Variants in PHF21A observed in about 807,000 individuals in gnomAD.
PHF21A encodes the protein BHC80a.
A neutral mutation model predicts 82.5 loss-of-function variants in PHF21A; 11 were observed. The observed-to-expected ratio is 0.13, with a 90% CI of 0.08 to 0.22. The LOEUF is 0.22. PHF21A is among the 10% of genes least tolerant of loss of function. The pLI, the probability that PHF21A is intolerant of heterozygous loss-of-function variation, is 1.00. For synonymous variants in PHF21A, 297 were observed against 302.8 expected, an observed-to-expected ratio of 0.98 and a Z score of 0.20; for missense variants, 579 against 837.8, an observed-to-expected ratio of 0.69 and a Z score of 3.81.
At chr11:46,092,845 C>A (rs933649051) in intron 1 of PHF21A, among the ~76,000 whole-genome samples, 4 of 149,800 alleles carry the variant, frequency 2.7e-5, no homozygotes, top group African/African-American at 9.8e-5. Flanking sequence ...GCAGCCTCAA[C>A]CTCCCAGGCT....
chr11:46,009,358 T>C (rs2095365645), intron 6 of PHF21A, among the ~76,000 whole-genome samples: 1 of 152,156 alleles, frequency 6.6e-6, no homozygotes. Context: ...TGTTTAACCA[T>C]CTACCTTTGA....
chr11:46,074,395 T>C (rs1278760071), intron 6 of PHF21A, among the ~76,000 whole-genome samples: 1 of 151,944 alleles, frequency 6.6e-6, no homozygotes. Flanking sequence ...TAATTCAGAT[T>C]TTAGTTATTA....
At chr11:45,948,567 T>A (rs1208447664) in intron 14 of PHF21A, among the ~76,000 whole-genome samples, 2 of 152,370 alleles carry the variant, frequency 1.3e-5, no homozygotes, top group South Asian at 4.1e-4. Context: ...GACTCTCAAA[T>A]GCTTCCTTTT....
At position 45,971,374 on chromosome 11, in the gene PHF21A, G is replaced by A; in HGVS notation, c.361-7C>T. 3.7e-6 allele frequency: 6 copies of A among 1,611,384 alleles called. No individual in the cohort carries two copies. Among genetic ancestry groups the A allele is most frequent in the Non-Finnish European group, 5.1e-6 (6 of 1,178,194 alleles). On this transcript the variant is annotated splice_region_variant and splice_polypyrimidine_tract_variant and intron_variant, in intron 7 of 18. Transcript: ENST00000676320. ...AAGCTGTAGTTACAGTCTTCTAGGA[G>A]ACAGGGAAAACAGATATTAGGACAC...
intron 6 of PHF21A, among the ~76,000 whole-genome samples, chr11:46,019,908 G>T (rs1346999830): frequency 6.6e-6 from 1 of 151,982 alleles, no homozygotes; most frequent in Non-Finnish European, 1.5e-5. Context: ...AACTTTCAGG[G>T]TTCCTAATAA....
intron 6 of PHF21A, among the ~76,000 whole-genome samples, chr11:45,996,869 T>C (rs1315037480): frequency 1.3e-5 from 2 of 152,212 alleles, no homozygotes; most frequent in Admixed American, 6.5e-5. Context: ...AAAAGGTCAA[T>C]AGTTATCCTA....
At chr11:46,098,774 A>AT (rs892157243) in intron 1 of PHF21A, among the ~76,000 whole-genome samples, 30 of 152,320 alleles carry the variant, frequency 2.0e-4, no homozygotes, top group African/African-American at 7.2e-4. Flanking sequence ...GTTTGAGCTT[A>AT]TTTTGGTGTA....
chr11:45,990,250 CTTTT>C (rs201187984), intron 6 of PHF21A, among the ~76,000 whole-genome samples: 6 of 56,278 alleles, frequency 1.1e-4, no homozygotes, highest in Non-Finnish European at 2.9e-4. Flanking sequence ...TTTTCATCTT[CTTTT>C]TTTTTTTTTT....
chr11:46,113,975 T>A (rs7125387), intron 1 of PHF21A, among the ~76,000 whole-genome samples: 137,188 of 152,076 alleles, frequency 0.9, 62,044 homozygotes, highest in East Asian at 1. Flanking sequence ...AATAATTTTT[T>A]TAGTAATACG....
rs371670725 is a variant in PHF21A at position 45,968,415 on chromosome 11, C to T, written c.702+1400G>A. Among the ~76,000 whole-genome samples the T allele has an allele frequency of 4.6e-5, 7 of 152,238 alleles. No homozygotes were observed. In the East Asian group the frequency reaches 1.3e-3, roughly 29 times the overall value. ...TCTAACTAACTCTAGCCTGCATGAG[C>T]CACATGGCCCTCTGTGCTCAGCCAC... On this transcript the variant is annotated intron_variant, in intron 9 of 18. Transcript: ENST00000676320.
chr11:46,027,604 C>T (rs1304463248), intron 6 of PHF21A, among the ~76,000 whole-genome samples: 1 of 152,180 alleles, frequency 6.6e-6, no homozygotes, highest in Non-Finnish European at 1.5e-5. Context: ...AGCCAATCAA[C>T]GAAATGCACT....
intron 6 of PHF21A, among the ~76,000 whole-genome samples, chr11:46,053,755 T>C (rs1451975953): frequency 1.3e-5 from 2 of 152,204 alleles, no homozygotes; most frequent in African/African-American, 4.8e-5. Flanking sequence ...AATTTGTAAC[T>C]CCCTTTGCTG....
chr11:45,969,364 T>C (rs2093633639), intron 9 of PHF21A, among the ~76,000 whole-genome samples: 1 of 152,246 alleles, frequency 6.6e-6, no homozygotes, highest in South Asian at 2.1e-4. Flanking sequence ...GAAGCAAGGC[T>C]TTGCCTTTAA....
chr11:46,092,582 A>G (rs1432677817), intron 1 of PHF21A, among the ~76,000 whole-genome samples: 1 of 152,182 alleles, frequency 6.6e-6, no homozygotes, highest in Non-Finnish European at 1.5e-5. Context: ...GTTGTTTTAC[A>G]TTAACAAATT....
Position 45,979,788 on chromosome 11 carries a change from G to A in PHF21A, c.332C>T (p.Ala111Val). The change falls in exon 7 of 19, where the codon GCA becomes GTA. Residue 111 changes from alanine to valine, a missense_variant. By Grantham distance (64) the Ala-to-Val change is moderately conservative. Transcript: ENST00000676320. ...YHHHHAQQSA[A>V]ASPNLTASQK... ...TGAAGCAGTCAGGTTGGGAGAGGCT[G>A]CAGCTGACTGCTGGGCGTGGTGGTG... 1.9e-5 allele frequency: 31 copies of A among 1,614,060 alleles called. No individual in the cohort carries two copies. The highest frequency in any genetic ancestry group is 2.6e-5 in the Non-Finnish European group (31 of 1,180,034).
chr11:46,048,964 A>G (rs1300061442), intron 6 of PHF21A, among the ~76,000 whole-genome samples: 1 of 152,166 alleles, frequency 6.6e-6, no homozygotes, highest in Non-Finnish European at 1.5e-5. Flanking sequence ...TGAGGAATAG[A>G]TAATTGAAGC....
chr11:45,965,462 G>A lies in PHF21A; in HGVS notation c.849C>T (p.His283=), dbSNP rs1341083993. 3.7e-6 allele frequency: 6 copies of A among 1,614,074 alleles called. No individual in the cohort carries two copies. The East Asian group carries it at 1.3e-4, about 36-fold the overall frequency. ...TTLPTSQNSI[H]PVRVVNGQTA... The stretch of plus-strand genomic sequence containing the variant: ...TCTGCCCATTGACGACACGGACGGG[G>A]TGGATGGAATTCTGGGATGTGGGAA... The change falls in exon 10 of 19, where the codon CAC becomes CAT. Residue 283 remains histidine (H), a synonymous_variant. Transcript: ENST00000676320.
At chr11:46,085,714 T>C (rs1253671718) in intron 3 of PHF21A, among the ~76,000 whole-genome samples, 1 of 152,202 alleles carries the variant, frequency 6.6e-6, no homozygotes. Flanking sequence ...TTCTAAATAT[T>C]ATTTACCTAT....
At chr11:46,039,820 A>G (rs909984625) in intron 6 of PHF21A, among the ~76,000 whole-genome samples, 1 of 152,262 alleles carries the variant, frequency 6.6e-6, no homozygotes, top group Non-Finnish European at 1.5e-5. Flanking sequence ...GTCAGAGGAA[A>G]TAATTTTTAA....
Sources: gnomAD v4.1 joint callset for allele counts (sites outside exome capture counted in the v4.1 genomes callset) on GRCh38, gnomAD v4.1.1 for gene constraint, MANE v1.5 for transcripts, NCBI Gene and HGNC (gene_info 2026-07-23, HGNC 2026-07-21) for gene names.